The following IMPA1 variants were observed in gnomAD, a reference collection of about 807,000 sequenced individuals.
IMPA1 encodes the protein D-galactose 1-phosphate phosphatase.
Under a neutral mutation model 34.9 loss-of-function variants are expected in IMPA1, and 21 were observed. That is an observed-to-expected ratio of 0.60 (90% CI 0.43 to 0.87). The LOEUF (loss-of-function observed/expected upper bound fraction) is 0.87, where lower values mean the gene tolerates loss of function less well. Ranked by LOEUF, IMPA1 falls within the 40% of genes least tolerant of loss-of-function variation. The probability of loss-of-function intolerance (pLI) is 0.00; values close to 1 mark genes in which losing one functional copy is unlikely to be tolerated. For missense variants in IMPA1, 299 were observed against 336.4 expected (o/e 0.89, Z 0.87); for synonymous variants, 95 against 104.4 (o/e 0.91, Z 0.55).
chr8:81,681,611 A>C, intron 1 of IMPA1, 27 bp from the exon 2 acceptor site: 1 of 1,290,128 alleles, frequency 7.8e-7, no homozygotes, highest in Non-Finnish European at 1.1e-6. Flanking sequence ...TAACTGTCTT[A>C]GAAGTCTTAA....
chr8:81,680,113 T>G (rs1483587435), intron 3 of IMPA1, among the ~76,000 whole-genome samples: 1 of 146,208 alleles, frequency 6.8e-6, no homozygotes, highest in Non-Finnish European at 1.5e-5. Flanking sequence ...CCAGCCTGCC[T>G]GACAGAGCGT....
chr8:81,671,790 C>A (rs1461819136), intron 6 of IMPA1, among the ~76,000 whole-genome samples: 1 of 151,736 alleles, frequency 6.6e-6, no homozygotes, highest in Admixed American at 6.6e-5. Flanking sequence ...CCAGCTACTC[C>A]GGAGGCTGAG....
rs2955014 is a variant in IMPA1 at position 81,659,199 on chromosome 8, C to A, written c.*152G>T. 101,294 of 643,772 alleles carry A rather than the reference C, an allele frequency of 0.16. 12,190 individuals are homozygous for A. Among genetic ancestry groups the A allele is most frequent in the East Asian group, 0.58 (20,773 of 35,860 alleles). The allele number at this position is 643,772 out of a possible 1,614,324, so 39.9% of individuals were successfully genotyped here. Reference sequence around the variant, plus strand: ...AAACATTATGTCAATTCTTGCAAACCTAGACATAGTAAAATAAGAAACAAG... The same window carrying A: ...AAACATTATGTCAATTCTTGCAAACATAGACATAGTAAAATAAGAAACAAG... On this transcript the variant is annotated 3_prime_UTR_variant, in exon 9 of 9. Coordinates refer to ENST00000256108, the MANE Select transcript of IMPA1 (RefSeq NM_005536.4).
chr8:81,676,766 C>T (rs921567905), intron 4 of IMPA1, among the ~76,000 whole-genome samples: 1 of 151,726 alleles, frequency 6.6e-6, no homozygotes, highest in African/African-American at 2.4e-5. Flanking sequence ...AGGAAGATCA[C>T]TTGGGCCCAG....
intron 8 of IMPA1, among the ~76,000 whole-genome samples, chr8:81,660,130 T>A (rs1046288582): frequency 4.6e-5 from 7 of 152,192 alleles, no homozygotes; most frequent in African/African-American, 1.4e-4. Context: ...CTAAAAAAAA[T>A]TTTTTTAATC....
intron 5 of IMPA1, 35 bp from the exon 6 acceptor site, chr8:81,673,984 A>T (rs768151800): frequency 7.8e-7 from 1 of 1,283,360 alleles, no homozygotes; most frequent in Non-Finnish European, 1.1e-6. Context: ...TACCAAACCT[A>T]AGTATGTTTC....
chr8:81,663,953 C>T (rs1032466295), intron 7 of IMPA1, among the ~76,000 whole-genome samples: 2 of 152,104 alleles, frequency 1.3e-5, no homozygotes, highest in African/African-American at 4.8e-5. Context: ...GCAGGAGAAT[C>T]ACTTGAACCC....
At chr8:81,667,970 C>T (rs1806881727) in intron 7 of IMPA1, among the ~76,000 whole-genome samples, 1 of 151,930 alleles carries the variant, frequency 6.6e-6, no homozygotes, top group African/African-American at 2.4e-5. Context: ...ACTACAAGCG[C>T]CCGCCACCAC....
intron 4 of IMPA1, 45 bp downstream of exon 4, chr8:81,679,081 A>G (rs373509814): frequency 1.2e-5 from 15 of 1,246,660 alleles, no homozygotes; most frequent in South Asian, 6.0e-5. Flanking sequence ...AGGTCAATCC[A>G]GTTAATATGC....
At chr8:81,665,523 C>A (rs1031336189) in intron 7 of IMPA1, among the ~76,000 whole-genome samples, 1 of 152,088 alleles carries the variant, frequency 6.6e-6, no homozygotes, top group Non-Finnish European at 1.5e-5. Context: ...ATGGAGCATT[C>A]CCACTGGTGT....
In IMPA1 at chr8:81,658,981, C is replaced by T. The variant is rs970820296; in HGVS notation, c.*370G>A. On this transcript the variant is annotated 3_prime_UTR_variant, in exon 9 of 9. Transcript: ENST00000256108. ...TTTGAAACTAAAGAGAAATGTTTTT[C>T]CAAACAGTTAACTTTCTAAGTGGGT... 2 of 202,664 alleles carry T rather than the reference C, an allele frequency of 9.9e-6. No individual in the cohort carries two copies. Among genetic ancestry groups the T allele is most frequent in the Non-Finnish European group, 9.8e-6 (1 of 102,328 alleles). 12.6% of individuals were successfully genotyped at this position (202,664 alleles called of 1,614,324 possible). A position where few individuals can be genotyped will look rare whatever the true frequency, so the allele number is the denominator to read the frequency against.
At chr8:81,667,750 G>A (rs1806873403) in intron 7 of IMPA1, among the ~76,000 whole-genome samples, 1 of 151,930 alleles carries the variant, frequency 6.6e-6, no homozygotes, top group African/African-American at 2.4e-5. Context: ...ACAAGGTATC[G>A]GATCCTGGAG....
At chr8:81,675,601 A>G (rs1045729501) in intron 5 of IMPA1, among the ~76,000 whole-genome samples, 1 of 152,228 alleles carries the variant, frequency 6.6e-6, no homozygotes, top group Non-Finnish European at 1.5e-5. Context: ...CAGAAATGTT[A>G]TAACTGCTGT....
intron 6 of IMPA1, among the ~76,000 whole-genome samples, chr8:81,671,399 T>TAAAAGTAAAAATTTTACTTTTACAAC (rs1806985411): frequency 6.6e-6 from 1 of 152,156 alleles, no homozygotes; most frequent in Admixed American, 6.5e-5. Context: ...AAAATTACAG[T>TAAAAGTAAAAATTTTACTTTTACAAC]AAAAGTAAAA....
At chr8:81,667,949 G>T in intron 7 of IMPA1, among the ~76,000 whole-genome samples, 1 of 151,808 alleles carries the variant, frequency 6.6e-6, no homozygotes, top group East Asian at 1.9e-4. Context: ...TCAGCCTCCG[G>T]AGTAGCTGGG....
chr8:81,664,002 GGACTCCA>G, intron 7 of IMPA1, among the ~76,000 whole-genome samples: 2 of 151,700 alleles, frequency 1.3e-5, no homozygotes, highest in East Asian at 3.9e-4. Context: ...TTGCACCATT[GGACTCCA>G]GCCTGGCGAC....
Position 81,676,767 on chromosome 8 carries a change from T to TAA in IMPA1, c.303-489_303-488insTT, listed in dbSNP as rs772489766. On this transcript the variant is annotated intron_variant, in intron 4 of 8. Transcript: ENST00000256108. ...TAGCAGGCCAAAGCAGGAAGATCAC[T>TAA]TGGGCCCAGGAGTTCGAGACCAGCC... is the stretch of plus-strand genomic sequence containing the variant. 4.8e-3 allele frequency among the ~76,000 whole-genome samples: 724 copies of TAA among 152,300 alleles called. 3 individuals are homozygous for TAA. Among genetic ancestry groups the TAA allele is most frequent in the South Asian group, 8.3e-3 (40 of 4,828 alleles).
At chr8:81,661,707 G>C (rs1806677986) in intron 7 of IMPA1, among the ~76,000 whole-genome samples, 1 of 152,166 alleles carries the variant, frequency 6.6e-6, no homozygotes. Flanking sequence ...TTTGAATAAA[G>C]TCTTATATTA....
chr8:81,664,773 C>A (rs1054810935), intron 7 of IMPA1, among the ~76,000 whole-genome samples: 2 of 151,378 alleles, frequency 1.3e-5, no homozygotes, highest in Admixed American at 1.3e-4. Flanking sequence ...TGCTAAATGA[C>A]GAGTTAATGC....
Sources: allele counts gnomAD v4.1 joint callset (sites outside exome capture counted in the v4.1 genomes callset), GRCh38; gene constraint gnomAD v4.1.1; transcripts MANE v1.5; gene names NCBI Gene and HGNC (gene_info 2026-07-23, HGNC 2026-07-21).